The following CSNK2A1 variants were observed in gnomAD, a reference collection of about 807,000 sequenced individuals.
The protein encoded by CSNK2A1 is casein kinase 2 alpha 1.
CSNK2A1 carries 10 observed loss-of-function variants against 62.9 expected under a neutral mutation model. The ratio of observed to expected loss-of-function variants is 0.16; its 90% CI spans 0.10 to 0.27. CSNK2A1 has a LOEUF of 0.27. Among genes scored for constraint, CSNK2A1 ranks in the 10% least tolerant of loss-of-function variants. CSNK2A1 has a pLI of 1.00. For synonymous variants in CSNK2A1, 124 were observed against 167.8 expected (o/e 0.74, Z 2.02); for missense variants, 160 against 492.0 (o/e 0.33, Z 6.38).
chr20:496,737 T>C (rs1462535384), intron 7 of CSNK2A1: 3 of 152,240 alleles, frequency 2.0e-5, no homozygotes, highest in Non-Finnish European at 4.4e-5. Context: ...TAAGAAAGCT[T>C]AGCCAACTTT....
In CSNK2A1 at chr20:514,466, G is replaced by A. The variant is rs150731436; in HGVS notation, c.-109-5806C>T. On this transcript the variant is annotated intron_variant, in intron 2 of 13. Coordinates refer to ENST00000217244, the MANE Select transcript of CSNK2A1 (RefSeq NM_177559.3). Reference sequence around the variant, plus strand: ...TTTGAGACAGGAGACAGGGTCTTGCGCTGTCACCCAGGCTGGAGTGCAGTG... The same window carrying A: ...TTTGAGACAGGAGACAGGGTCTTGCACTGTCACCCAGGCTGGAGTGCAGTG... Among the ~76,000 whole-genome samples the A allele has an allele frequency of 7.2e-5, 11 of 151,970 alleles. No individual in the cohort carries two copies. The East Asian group carries it at 1.6e-3, about 21-fold the overall frequency.
rs140999099 is a variant in CSNK2A1, at chr20:515,006, T to C, written c.-109-6346A>G. Among the ~76,000 whole-genome samples the C allele has an allele frequency of 1.9e-3, 284 of 152,276 alleles. 1 individual carries two copies. The highest frequency in any genetic ancestry group is 6.7e-3 in the African/African-American group (277 of 41,542). On this transcript the variant is annotated intron_variant, in intron 2 of 13. Coordinates refer to ENST00000217244, the MANE Select transcript of CSNK2A1 (RefSeq NM_177559.3). Reference sequence around the variant, plus strand: ...AGTATGCCATTGAAGATTTTACCTATGGACTAAGGGTAACAGAAATTCATT... The same window carrying C: ...AGTATGCCATTGAAGATTTTACCTACGGACTAAGGGTAACAGAAATTCATT...
intron 3 of CSNK2A1, chr20:505,823 T>C (rs1175946482): frequency 2.0e-5 from 3 of 151,320 alleles, no homozygotes; most frequent in African/African-American, 7.3e-5. Context: ...AGGTTTGTTC[T>C]AAATACGTTT....
At position 531,572 on chromosome 20, in the gene CSNK2A1, AT is replaced by A. The variant is rs550920106; in HGVS notation, c.-226-3524del. Among the ~76,000 whole-genome samples, 37 of 151,634 alleles carry A rather than the reference AT, an allele frequency of 2.4e-4. No individual in the cohort carries two copies. In the South Asian group the frequency reaches 3.1e-3, roughly 13 times the overall value. On this transcript the variant is annotated intron_variant, in intron 1 of 13. Transcript: ENST00000217244. The stretch of plus-strand genomic sequence containing the variant: ...TATATAAAGCAGCATGTACATGTAC[AT>A]TTTTTTTTGAAGAAAAAAATTATTA...
At chr20:531,045 T>C (rs978903627) in intron 1 of CSNK2A1, among the ~76,000 whole-genome samples, 9 of 151,974 alleles carry the variant, frequency 5.9e-5, no homozygotes, top group Non-Finnish European at 1.2e-4. Context: ...GATCGCGCCA[T>C]TGCACTCCAG....
intron 7 of CSNK2A1, chr20:496,106 A>G: frequency 3.5e-6 from 1 of 284,278 alleles, no homozygotes; most frequent in South Asian, 5.0e-5. Context: ...CAGATCCTAG[A>G]TTATTTCCAC....
At chr20:523,858 C>CAAAAAAAAAAAAAA (rs11401840) in intron 2 of CSNK2A1, among the ~76,000 whole-genome samples, 3 of 45,540 alleles carry the variant, frequency 6.6e-5, no homozygotes, top group South Asian at 7.5e-4. Context: ...GACTCCATCT[C>CAAAAAAAAAAAAAA]AAAAAAAAAA....
chr20:510,982 A>T (rs551425764), intron 2 of CSNK2A1, among the ~76,000 whole-genome samples: 3 of 151,998 alleles, frequency 2.0e-5, no homozygotes, highest in Non-Finnish European at 2.9e-5. Context: ...ACAGCCTCCC[A>T]AAGTACTGTG....
rs778818819 is a variant in CSNK2A1, at chr20:497,710, G to T, written c.426+11C>A. The T allele has an allele frequency of 3.1e-6, 5 of 1,599,144 alleles. No individual in the cohort carries two copies. In the East Asian group the frequency reaches 1.1e-4, roughly 36 times the overall value. Reference sequence around the variant, plus strand: ...AATTTAAAAAATATTTAGTATTCAAGGTTCACTTACCTTCAGAATCTCATA... The same window carrying T: ...AATTTAAAAAATATTTAGTATTCAATGTTCACTTACCTTCAGAATCTCATA... On this transcript the variant is annotated intron_variant, in intron 7 of 13. Coordinates refer to ENST00000217244, the MANE Select transcript of CSNK2A1 (RefSeq NM_177559.3).
Position 486,484 on chromosome 20 carries a change from T to C in CSNK2A1, c.974-22A>G, listed in dbSNP as rs1371015746. On this transcript the variant is annotated intron_variant, in intron 12 of 13. Transcript: ENST00000217244. Reference sequence around the variant, plus strand: ...GTGTCTAGAAAAGAGACAAAAAGGCTAGGTTCTGTTTTGCTTGAAAGATTA... The same window carrying C: ...GTGTCTAGAAAAGAGACAAAAAGGCCAGGTTCTGTTTTGCTTGAAAGATTA... 2.5e-6 allele frequency: 4 copies of C among 1,612,036 alleles called. No homozygotes were observed. The South Asian group carries it at 3.3e-5, about 13-fold the overall frequency.
At chr20:529,400 T>G (rs777468783) in intron 1 of CSNK2A1, among the ~76,000 whole-genome samples, 2 of 152,148 alleles carry the variant, frequency 1.3e-5, no homozygotes, top group Admixed American at 1.3e-4. Context: ...GCCCTGGATG[T>G]GAATCATCCC....
intron 13 of CSNK2A1, among the ~76,000 whole-genome samples, chr20:484,295 C>T (rs907246088): frequency 1.3e-5 from 2 of 152,174 alleles, no homozygotes; most frequent in African/African-American, 2.4e-5. Flanking sequence ...TAGGCTTGGA[C>T]AATTTAAGGA....
chr20:503,491 T>C (rs544608521), intron 4 of CSNK2A1: 7 of 398,676 alleles, frequency 1.8e-5, no homozygotes, highest in African/African-American at 1.2e-4. Flanking sequence ...ACAGGAATAC[T>C]GTGGAACACT....
At position 527,580 on chromosome 20, in the gene CSNK2A1, A is replaced by G. The variant is rs2019124111; in HGVS notation, c.-110+353T>C. 1.3e-5 allele frequency among the ~76,000 whole-genome samples: 2 copies of G among 152,202 alleles called. 1 individual carries two copies. The highest frequency in any genetic ancestry group is 4.1e-4 in the South Asian group (2 of 4,834). ...AAGCATTCCCATCTTTCTCCAAAAC[A>G]GGCCAAGTACCTCTTCTACAGGGCC... is the stretch of plus-strand genomic sequence containing the variant. On this transcript the variant is annotated intron_variant, in intron 2 of 13. Transcript: ENST00000217244.
intron 2 of CSNK2A1, among the ~76,000 whole-genome samples, chr20:520,433 T>C (rs1010859529): frequency 1.1e-4 from 16 of 152,160 alleles, no homozygotes; most frequent in African/African-American, 3.4e-4. Context: ...ACAAGGCCAA[T>C]TAATTTTTGA....
chr20:514,769 A>G (rs904085467), intron 2 of CSNK2A1, among the ~76,000 whole-genome samples: 5 of 152,182 alleles, frequency 3.3e-5, no homozygotes, highest in African/African-American at 1.2e-4. Context: ...ATTTAGAAAT[A>G]GTATTTCACT....
At chr20:524,305 C>T (rs1439862601) in intron 2 of CSNK2A1, among the ~76,000 whole-genome samples, 1 of 151,360 alleles carries the variant, frequency 6.6e-6, no homozygotes, top group Non-Finnish European at 1.5e-5. Context: ...TGCCTGTAGT[C>T]CCAGCTGCTC....
At chr20:487,209 A>G in intron 12 of CSNK2A1, 1 of 622,724 alleles carries the variant, frequency 1.6e-6, no homozygotes, top group Non-Finnish European at 2.7e-6. Flanking sequence ...GTATGAAAAG[A>G]GTTTATTTAG....
rs2017850898 is a variant in CSNK2A1 at position 476,439 on chromosome 20, T to C, written c.*7522A>G. 1 of 151,960 alleles carries C rather than the reference T, an allele frequency of 6.6e-6. No homozygotes were observed. Among genetic ancestry groups the C allele is most frequent in the Non-Finnish European group, 1.5e-5 (1 of 67,990 alleles). 9.4% of individuals were successfully genotyped at this position (151,960 alleles called of 1,614,324 possible). A position where few individuals can be genotyped will look rare whatever the true frequency, so the allele number is the denominator to read the frequency against. Reference sequence around the variant, plus strand: ...AAGCCCAGCTAATTTTTGTATTTTTTAGTAGAAACAGGGTGTCACCATGTT... The same window carrying C: ...AAGCCCAGCTAATTTTTGTATTTTTCAGTAGAAACAGGGTGTCACCATGTT... On this transcript the variant is annotated 3_prime_UTR_variant, in exon 14 of 14. Coordinates refer to ENST00000217244, the MANE Select transcript of CSNK2A1 (RefSeq NM_177559.3).
Sources: allele counts gnomAD v4.1 joint callset (sites outside exome capture counted in the v4.1 genomes callset), GRCh38; gene constraint gnomAD v4.1.1; transcripts MANE v1.5; gene names NCBI Gene and HGNC (gene_info 2026-07-23, HGNC 2026-07-21).